RYR3: variants seen among roughly 807,000 people sequenced by gnomAD.
The protein encoded by RYR3 is brain ryanodine receptor-calcium release channel.
Under a neutral mutation model 584.3 loss-of-function variants are expected in RYR3, and 207 were observed. The observed-to-expected ratio is 0.35, with a 90% CI of 0.32 to 0.40. The LOEUF (loss-of-function observed/expected upper bound fraction) is 0.40. RYR3 is among the 10% of genes least tolerant of loss of function. RYR3 has a pLI of 1.00. For synonymous variants in RYR3, 2,416 were observed against 2,248.5 expected (o/e 1.07, Z -2.11); for missense variants, 5,616 against 6,089.2 (o/e 0.92, Z 2.59).
At position 33,823,364 on chromosome 15, in the gene RYR3, G is replaced by T. The variant is rs560723136; in HGVS notation, c.11072+292G>T. ...CACGTTTATGTTGCTTTCCCAGCAG[G>T]CTCAGTGTGCGCATTGAGTTTCTCA... On this transcript the variant is annotated intron_variant, in intron 81 of 103. Transcript: ENST00000634891. 2.3e-3 allele frequency among the ~76,000 whole-genome samples: 348 copies of T among 152,292 alleles called. 2 individuals are homozygous for T. The highest frequency in any genetic ancestry group is 8.0e-3 in the African/African-American group (333 of 41,558).
intron 94 of RYR3, chr15:33,849,176 A>C (rs1292493918): frequency 6.6e-6 from 1 of 152,030 alleles, no homozygotes. Flanking sequence ...TTGGTAAGAG[A>C]CCTCGTCTTA....
intron 1 of RYR3, among the ~76,000 whole-genome samples, chr15:33,402,898 C>A (rs529108872): frequency 1.3e-5 from 2 of 152,362 alleles, no homozygotes; most frequent in South Asian, 4.1e-4. Flanking sequence ...GGGAGGCAGG[C>A]TGTTGGGAAT....
intron 67 of RYR3, among the ~76,000 whole-genome samples, chr15:33,789,624 T>TTATACATATATATATA (rs1555458202): frequency 8.6e-5 from 1 of 11,694 alleles, no homozygotes; most frequent in African/African-American, 2.2e-4. Context: ...AGGTTTTATT[T>TTATACATATATATATA]TATATATATA....
chr15:33,845,026 C>G lies in RYR3; in HGVS notation c.13461C>G (p.Ile4487Met). 1 of 1,614,010 alleles carries G rather than the reference C, an allele frequency of 6.2e-7. No homozygotes were observed. Among genetic ancestry groups the G allele is most frequent in the Non-Finnish European group, 8.5e-7 (1 of 1,179,884 alleles). ...LRALAIIHTI[I>M]SLVCVVGYYC... is the part of the protein sequence containing the mutation. Reference sequence around the variant, plus strand: ...CCCTGGCCATCATCCATACCATCATCTCTCTAGTCTGTGTGGTGGGCTACT... The same window carrying G: ...CCCTGGCCATCATCCATACCATCATGTCTCTAGTCTGTGTGGTGGGCTACT... Residue 4487 changes from isoleucine (I) to methionine (M), a missense_variant, in exon 93 of 104, where the codon ATC becomes ATG. Transcript: ENST00000634891.
intron 42 of RYR3, among the ~76,000 whole-genome samples, chr15:33,703,639 A>G (rs1419174199): frequency 6.6e-6 from 1 of 152,248 alleles, no homozygotes; most frequent in Non-Finnish European, 1.5e-5. Context: ...ATTGAGGGTT[A>G]GGGCTTCCAC....
chr15:33,719,910 C>T (rs529878701), intron 43 of RYR3, among the ~76,000 whole-genome samples: 2 of 152,260 alleles, frequency 1.3e-5, no homozygotes, highest in Non-Finnish European at 2.9e-5. Flanking sequence ...TCCACCATCC[C>T]ATTATTATGA....
rs200294137 is a variant in RYR3 at position 33,731,519 on chromosome 15, A to G, written c.7249A>G (p.Ile2417Val). The G allele has an allele frequency of 4.5e-4, 725 of 1,613,640 alleles. 1 individual carries two copies. The highest frequency in any genetic ancestry group is 5.3e-4 in the Non-Finnish European group (630 of 1,179,758). Residue 2417 changes from isoleucine (I) to valine (V), a missense_variant, in exon 48 of 104, where the codon ATA (isoleucine) becomes GTA (valine). Physicochemically the swap from Ile to Val is conservative, Grantham distance 29 (BLOSUM62 3). Transcript: ENST00000634891. ...TEAALALNRY[I>V]CSAVLPLLTR... ...GGCTGCGCTTGCACTAAATAGGTAT[A>G]TATGTTCTGCTGTGCTCCCGCTCCT...
In RYR3 at chr15:33,731,467, T is replaced by C; in HGVS notation, c.7204-7T>C. The C allele has an allele frequency of 6.2e-7, 1 of 1,601,872 alleles. No individual in the cohort carries two copies. The highest frequency in any genetic ancestry group is 1.1e-5 in the South Asian group (1 of 89,206). On this transcript the variant is annotated splice_region_variant and splice_polypyrimidine_tract_variant and intron_variant, in intron 47 of 103. Coordinates refer to ENST00000634891, the MANE Select transcript of RYR3 (RefSeq NM_001036.6). ...AATTAACCTGTGTCCCAATCTTCTTTCTCTAGGTTTCCCTAAGCACCACAG... is the reference window on the plus strand; with the variant it reads ...AATTAACCTGTGTCCCAATCTTCTTCCTCTAGGTTTCCCTAAGCACCACAG...
At chr15:33,440,927 A>G (rs990702815) in intron 1 of RYR3, among the ~76,000 whole-genome samples, 1 of 152,186 alleles carries the variant, frequency 6.6e-6, no homozygotes, top group Non-Finnish European at 1.5e-5. Context: ...TTGTGCTAAG[A>G]GCTGTGGATT....
In RYR3 at chr15:33,635,634, G is replaced by A. The variant is rs201899867; in HGVS notation, c.3196G>A (p.Val1066Ile). ...AATAGCTGACTCGGCTGTGGAGAAG[G>A]TCAGCATAGACAAGATCCGATTTTT... ...QELADSAVEK[V>I]SIDKIRFFRV... Residue 1066 changes from valine to isoleucine, a missense_variant, in exon 26 of 104, where the codon GTC becomes ATC. Val to Ile is a conservative substitution (Grantham distance 29). Coordinates refer to ENST00000634891, the MANE Select transcript of RYR3 (RefSeq NM_001036.6). The A allele has an allele frequency of 4.6e-5, 74 of 1,613,854 alleles. No individual in the cohort carries two copies. The highest frequency in any genetic ancestry group is 3.3e-4 in the East Asian group (15 of 44,870).
At position 33,311,815 on chromosome 15, in the gene RYR3, C is replaced by G. The variant is rs533470429; in HGVS notation, c.51+719C>G. ...CAGTGGCTCCGCGTCACTCAGGTCC[C>G]CTCCTTGACACCTGAGGGCGCTGCT... On this transcript the variant is annotated intron_variant, in intron 1 of 103. Transcript: ENST00000634891. This position sits in a 1 kb window ranked among gnomAD's most constrained non-coding sequence, Gnocchi z 4.4. 6.6e-6 allele frequency among the ~76,000 whole-genome samples: 1 copy of G among 152,318 alleles called. No individual in the cohort carries two copies. Among genetic ancestry groups the G allele is most frequent in the Non-Finnish European group, 1.5e-5 (1 of 68,028 alleles).
chr15:33,756,315 T>G lies in RYR3; in HGVS notation c.8525T>G (p.Val2842Gly). The G allele has an allele frequency of 6.3e-7, 1 of 1,577,950 alleles. No homozygotes were observed. The highest frequency in any genetic ancestry group is 8.6e-7 in the Non-Finnish European group (1 of 1,160,810). ...QEFIAHLEAI[V>G]SSGKTEKSPR... ...ACCTGTGTCTTCGTAGAAGCCATTG[T>G]CAGCAGTGGGAAAACTGAAAAGTCT... Residue 2842 changes from valine (V) to glycine (G), a missense_variant, in exon 59 of 104, where the codon GTC becomes GGC. Transcript: ENST00000634891.
In RYR3 at chr15:33,757,521, ACTT is replaced by A; in HGVS notation, c.8634_8636del (p.Phe2878del). 3 of 1,610,768 alleles carry A rather than the reference ACTT, an allele frequency of 1.9e-6. No homozygotes were observed. Among genetic ancestry groups the A allele is most frequent in the Non-Finnish European group, 2.5e-6 (3 of 1,178,804 alleles). ...CAGTACTTCACCAGTCATTGCCTCT[ACTT>A]CTTGTCATCCCCTCTGAAGCCCCTT... On this transcript the variant is annotated inframe_deletion, in exon 60 of 104. Transcript: ENST00000634891.
At chr15:33,549,422 A>G (rs1330725972) in intron 9 of RYR3, among the ~76,000 whole-genome samples, 1 of 152,200 alleles carries the variant, frequency 6.6e-6, no homozygotes, top group Non-Finnish European at 1.5e-5. Flanking sequence ...TCTCTCTTAA[A>G]CCTTATATTC....
intron 19 of RYR3, among the ~76,000 whole-genome samples, chr15:33,622,836 A>G (rs150356073): frequency 1.1e-4 from 16 of 152,350 alleles, no homozygotes; most frequent in African/African-American, 3.6e-4. Context: ...ATTTCTGATT[A>G]TAAACCTGGG....
At chr15:33,784,471 T>C (rs1044272230) in intron 65 of RYR3, among the ~76,000 whole-genome samples, 5 of 152,260 alleles carry the variant, frequency 3.3e-5, no homozygotes, top group African/African-American at 1.2e-4. Flanking sequence ...TGGAAATGTA[T>C]GAGAACTTTG....
chr15:33,748,478 A>G lies in RYR3; in HGVS notation c.8147A>G (p.Tyr2716Cys), dbSNP rs750938045. ...CCTTTGCTTTCCTAGGGCAACAGCT[A>G]CAGTCCTGCTCCCCTCGACCTCTCA... Reference protein sequence around the residue: ...SVSQANQGNSYSPAPLDLSNV... With the variant: ...SVSQANQGNSCSPAPLDLSNV... Residue 2716 changes from tyrosine (Y) to cysteine (C), a missense_variant, in exon 55 of 104, where the codon TAC (tyrosine) becomes TGC (cysteine). This residue lies in a region of RYR3 where 1,280 missense variants were observed against 1,426.2 expected (regional missense o/e 0.90). Transcript: ENST00000634891. 6.8e-6 allele frequency: 11 copies of G among 1,613,314 alleles called. No individual in the cohort carries two copies. Among genetic ancestry groups the G allele is most frequent in the African/African-American group, 2.7e-5 (2 of 74,908 alleles).
At chr15:33,531,647 A>ATATTT (rs34666972) in intron 4 of RYR3, among the ~76,000 whole-genome samples, 2 of 137,562 alleles carry the variant, frequency 1.5e-5, no homozygotes, top group African/African-American at 5.2e-5. Context: ...ATATATATAT[A>ATATTT]TTTTTTTTTC....
At chr15:33,465,581 G>C in intron 1 of RYR3, 1 of 397,146 alleles carries the variant, frequency 2.5e-6, no homozygotes, top group Non-Finnish European at 4.9e-6. Flanking sequence ...TAAGAATTCT[G>C]CCTTTTCCTT....
Sources: allele counts gnomAD v4.1 joint callset (sites outside exome capture counted in the v4.1 genomes callset), GRCh38; gene constraint gnomAD v4.1.1; regional missense constraint gnomAD v4.1.1; non-coding constraint Gnocchi (gnomAD v3.1); transcripts MANE v1.5; gene names NCBI Gene and HGNC (gene_info 2026-07-23, HGNC 2026-07-21).